Variants in TTYH3 observed in about 807,000 individuals in gnomAD.
TTYH3 encodes the protein protein tweety homolog 3.
Under a neutral mutation model 68.2 loss-of-function variants are expected in TTYH3, and 23 were observed. The ratio of observed to expected loss-of-function variants is 0.34; its 90% confidence interval spans 0.24 to 0.48. The LOEUF (loss-of-function observed/expected upper bound fraction) is 0.48, where lower values mean the gene tolerates loss of function less well. Among genes scored for constraint, TTYH3 ranks in the 20% least tolerant of loss-of-function variants. The pLI is 0.99. For synonymous variants in TTYH3, 360 were observed against 332.8 expected (o/e 1.08, Z -0.89); for missense variants, 768 against 727.7 (o/e 1.06, Z -0.64).
chr7:2,652,785 G>C (rs183195951), intron 8 of TTYH3, 133 bp from the exon 9 acceptor site: 16 of 698,476 alleles, frequency 2.3e-5, no homozygotes, highest in African/African-American at 3.6e-5. Context: ...GTGCCCTGTT[G>C]GCCTGCAGAG....
chr7:2,653,051 CTCT>C (rs1786234207), intron 9 of TTYH3, 41 bp downstream of exon 9: 1 of 1,518,890 alleles, frequency 6.6e-7, no homozygotes, highest in Non-Finnish European at 8.9e-7. Flanking sequence ...GGCAGGGCTC[CTCT>C]TTTCTCAGCA....
At chr7:2,638,790 C>T (rs74468427) in intron 1 of TTYH3, among the ~76,000 whole-genome samples, 2,942 of 152,244 alleles carry the variant, frequency 0.019, 89 homozygotes, top group African/African-American at 0.067. Flanking sequence ...GCTGGGGCCA[C>T]GTGTCCAGCT....
At chr7:2,634,485 CT>C (rs1322857357) in intron 1 of TTYH3, among the ~76,000 whole-genome samples, 1 of 147,888 alleles carries the variant, frequency 6.8e-6, no homozygotes, top group Non-Finnish European at 1.5e-5. Flanking sequence ...AGGGCTCCCT[CT>C]TAGCTGTCTC....
chr7:2,634,213 G>A (rs1379787337), intron 1 of TTYH3, among the ~76,000 whole-genome samples: 1 of 152,252 alleles, frequency 6.6e-6, no homozygotes, highest in African/African-American at 2.4e-5. Flanking sequence ...GCTGGTCCTG[G>A]CGTGCGTCCT....
At position 2,640,733 on chromosome 7, in the gene TTYH3, C is replaced by T. The variant is rs186837761; in HGVS notation, c.124-6120C>T. Among the ~76,000 whole-genome samples, 25 of 152,326 alleles carry T rather than the reference C, an allele frequency of 1.6e-4. 1 individual carries two copies. The highest frequency in any genetic ancestry group is 4.1e-4 in the African/African-American group (17 of 41,572). The stretch of plus-strand genomic sequence containing the variant: ...CAGAGTGGGCATGGCCAGGAGGCCG[C>T]GGCAGGCGTGGGGCACAGGCCTCAC... On this transcript the variant is annotated intron_variant, in intron 1 of 13. Coordinates refer to ENST00000258796, the MANE Select transcript of TTYH3 (RefSeq NM_025250.3).
chr7:2,658,579 A>C, intron 12 of TTYH3, 120 bp downstream of exon 12: 1 of 1,292,012 alleles, frequency 7.7e-7, no homozygotes, highest in Non-Finnish European at 1.1e-6. Flanking sequence ...CGGGCTGGGC[A>C]GCCCTGGCCT....
At position 2,656,521 on chromosome 7, in the gene TTYH3, T is replaced by G; in HGVS notation, c.1237T>G (p.Trp413Gly). The change falls in exon 11 of 14, where the codon TGG (tryptophan) becomes GGG (glycine). Residue 413 changes from tryptophan (W) to glycine (G), a missense_variant. Coordinates refer to ENST00000258796, the MANE Select transcript of TTYH3 (RefSeq NM_025250.3). Reference protein sequence around the residue: ...SSIVCSVPHTWQQKRGPDEDG... With the variant: ...SSIVCSVPHTGQQKRGPDEDG... ...CATCGTCTGCAGCGTCCCGCACACC[T>G]GGCAGCAAAAGAGGTGAGGGGCCCT... 6.2e-7 allele frequency: 1 copy of G among 1,603,164 alleles called. No homozygotes were observed. The highest frequency in any genetic ancestry group is 8.5e-7 in the Non-Finnish European group (1 of 1,176,158).
At chr7:2,652,314 G>C (rs1786205244) in intron 8 of TTYH3, 72 bp downstream of exon 8, 1 of 1,388,392 alleles carries the variant, frequency 7.2e-7, no homozygotes, top group Non-Finnish European at 1.0e-6. Context: ...GAGGGGCCCA[G>C]CAGGCCTGGC....
chr7:2,649,681 G>A (rs761678870), intron 6 of TTYH3, 42 bp downstream of exon 6: 7 of 1,571,516 alleles, frequency 4.5e-6, no homozygotes, highest in Non-Finnish European at 6.0e-6. Context: ...GCTGGACCTG[G>A]GCACTGGGGG....
intron 1 of TTYH3, 67 bp from the exon 2 acceptor site, chr7:2,646,786 T>C: frequency 6.7e-7 from 1 of 1,486,972 alleles, no homozygotes; most frequent in Non-Finnish European, 9.0e-7. Flanking sequence ...GGTCCCCTGC[T>C]GGGGCGGGGC....
At chr7:2,632,476 A>G (rs547850572) in intron 1 of TTYH3, among the ~76,000 whole-genome samples, 198 bp downstream of exon 1, 1 of 150,598 alleles carries the variant, frequency 6.6e-6, no homozygotes, top group East Asian at 2.0e-4. Context: ...CCTTTCTTCC[A>G]GGGTCATGGC....
chr7:2,639,994 GCCTGGCCTGCC>G (rs1277295669), intron 1 of TTYH3, among the ~76,000 whole-genome samples: 5 of 106 alleles, frequency 0.047, no homozygotes, highest in Non-Finnish European at 0.1. Context: ...TGGTCACGCT[GCCTGGCCTGCC>G]AGCTCACCCG....
intron 1 of TTYH3, among the ~76,000 whole-genome samples, chr7:2,642,664 G>A (rs1301557614): frequency 2.6e-5 from 4 of 151,788 alleles, no homozygotes; most frequent in Non-Finnish European, 5.9e-5. Context: ...GGAGGTTGAG[G>A]CTTCAGTGAG....
At position 2,662,143 on chromosome 7, in the gene TTYH3, C is replaced by T; in HGVS notation, c.*404C>T. 2.6e-6 allele frequency: 1 copy of T among 379,730 alleles called. No individual in the cohort carries two copies. The highest frequency in any genetic ancestry group is 2.1e-5 in the African/African-American group (1 of 47,256). 23.5% of individuals were successfully genotyped at this position (379,730 alleles called of 1,614,324 possible). ...TGTGGACCCCTTCTTAGTTCACAGG[C>T]ACGGCTGGGGCCGCTCTGTGCTGGC... On this transcript the variant is annotated 3_prime_UTR_variant, in exon 14 of 14. Transcript: ENST00000258796.
In TTYH3 at chr7:2,656,459, C is replaced by A; in HGVS notation, c.1175C>A (p.Ala392Asp). Residue 392 changes from alanine (A) to aspartate (D), a missense_variant, in exon 11 of 14, where the codon GCC (alanine) becomes GAC (aspartate). Coordinates refer to ENST00000258796, the MANE Select transcript of TTYH3 (RefSeq NM_025250.3). ...YDGVEGLIYL[A>D]LFSFVTALMF... ...GGCGTGGAGGGCCTCATCTACCTGGCCCTCTTCTCCTTCGTCACAGCCCTC... is the reference window on the plus strand; with the variant it reads ...GGCGTGGAGGGCCTCATCTACCTGGACCTCTTCTCCTTCGTCACAGCCCTC... The A allele has an allele frequency of 6.2e-7, 1 of 1,612,132 alleles. No homozygotes were observed. The highest frequency in any genetic ancestry group is 8.5e-7 in the Non-Finnish European group (1 of 1,179,792).
intron 11 of TTYH3, 119 bp from the exon 12 acceptor site, chr7:2,658,167 A>G (rs1162805084): frequency 1.8e-6 from 2 of 1,103,530 alleles, no homozygotes; most frequent in Non-Finnish European, 2.5e-6. Context: ...GAGTGTGCAC[A>G]CGGCCGAGCC....
intron 1 of TTYH3, among the ~76,000 whole-genome samples, chr7:2,640,402 GT>G (rs1252246220): frequency 4.8e-4 from 59 of 121,922 alleles, no homozygotes; most frequent in African/African-American, 1.1e-3. Flanking sequence ...CTGTGTGTGT[GT>G]GGGGGGGGAC....
At chr7:2,632,639 C>T (rs1324542931) in intron 1 of TTYH3, among the ~76,000 whole-genome samples, 1 of 152,218 alleles carries the variant, frequency 6.6e-6, no homozygotes, top group East Asian at 1.9e-4. Flanking sequence ...CAGTGGAGGG[C>T]CTCTCCACCA....
intron 7 of TTYH3, among the ~76,000 whole-genome samples, chr7:2,651,060 C>T (rs911845694): frequency 2.6e-5 from 4 of 151,952 alleles, no homozygotes; most frequent in Admixed American, 6.6e-5. Flanking sequence ...TCGGGAGTTT[C>T]GGCCCCCTCG....
Sources: gnomAD v4.1 joint callset for allele counts (sites outside exome capture counted in the v4.1 genomes callset) on GRCh38, gnomAD v4.1.1 for gene constraint, MANE v1.5 for transcripts, NCBI Gene and HGNC (gene_info 2026-07-23, HGNC 2026-07-21) for gene names.